The following AFF2 variants were observed in gnomAD, a reference collection of about 807,000 sequenced individuals.
The protein encoded by AFF2 is AF4/FMR2 family member 2.
In AFF2, 14 loss-of-function variants were observed where a neutral mutation model predicts 76.9. That is an observed-to-expected ratio of 0.18 (90% CI 0.12 to 0.28). AFF2 has a LOEUF of 0.28. Ranked by LOEUF, AFF2 falls within the 10% of genes least tolerant of loss-of-function variation. AFF2 has a pLI of 1.00. For synonymous variants in AFF2, 398 were observed against 366.7 expected, an observed-to-expected ratio of 1.09 and a Z score of -0.98; for missense variants, 868 against 1,001.1, an observed-to-expected ratio of 0.87 and a Z score of 1.79.
intron 3 of AFF2, among the ~76,000 whole-genome samples, chrX:148,763,640 T>A (rs782802685): frequency 9.0e-6 from 1 of 111,617 alleles, no homozygotes; most frequent in African/African-American, 3.2e-5. Flanking sequence ...GAAAGGTAGG[T>A]GGAACATAAA....
At chrX:148,530,160 A>T (rs920044078) in intron 1 of AFF2, among the ~76,000 whole-genome samples, 2 of 111,658 alleles carry the variant, frequency 1.8e-5, no homozygotes, top group Admixed American at 1.9e-4. Context: ...TGTGTCAATT[A>T]TCCAGGATGG....
Position 148,714,606 on chromosome X carries a change from T to C in AFF2, c.1041+51838T>C, listed in dbSNP as rs149042021. 5.7e-3 allele frequency among the ~76,000 whole-genome samples: 636 copies of C among 111,418 alleles called. 4 individuals are homozygous for C. The highest frequency in any genetic ancestry group is 0.02 in the African/African-American group (601 of 30,634). On this transcript the variant is annotated intron_variant, in intron 3 of 20. Coordinates refer to ENST00000370460, the MANE Select transcript of AFF2 (RefSeq NM_002025.4). ...GCAGTACTGTGTTTTGTGGAAGTCG[T>C]GCAGTGTCTTCAATTGAACAAGTAT...
intron 3 of AFF2, among the ~76,000 whole-genome samples, chrX:148,762,844 TC>T (rs1162054030): frequency 9.0e-6 from 1 of 111,608 alleles, no homozygotes; most frequent in Non-Finnish European, 1.9e-5. Flanking sequence ...CATCCATATT[TC>T]TTACAGTTTT....
At chrX:148,529,633 G>T (rs919972111) in intron 1 of AFF2, among the ~76,000 whole-genome samples, 2 of 111,568 alleles carry the variant, frequency 1.8e-5, no homozygotes, top group Non-Finnish European at 3.8e-5. Context: ...TCTGATGTGC[G>T]CAGATTCTCC....
intron 3 of AFF2, among the ~76,000 whole-genome samples, chrX:148,741,296 T>A (rs192396155): frequency 6.1e-4 from 67 of 110,454 alleles, no homozygotes; most frequent in African/African-American, 2.1e-3. Flanking sequence ...TCAGACTCCT[T>A]GGGTGGGTCT....
chrX:148,844,465 T>A (rs188114454), intron 7 of AFF2, among the ~76,000 whole-genome samples: 1 of 112,329 alleles, frequency 8.9e-6, no homozygotes. Flanking sequence ...CTATTGTAGA[T>A]TTTCTAATAT....
chrX:148,987,007 G>A (rs2072479767), intron 19 of AFF2, among the ~76,000 whole-genome samples: 1 of 111,291 alleles, frequency 9.0e-6, no homozygotes, highest in Admixed American at 9.5e-5. Flanking sequence ...GGTGTTTAAT[G>A]TTAGAAAAGA....
chrX:148,726,769 A>C (rs147206300), intron 3 of AFF2, among the ~76,000 whole-genome samples: 5,216 of 111,672 alleles, frequency 0.047, 150 homozygotes, highest in African/African-American at 0.092. Context: ...GTATTGATTT[A>C]GGTGTAGCAC....
Position 148,850,563 on chromosome X carries a change from C to T in AFF2, c.1262+7130C>T, listed in dbSNP as rs540951859. 6.8e-4 allele frequency among the ~76,000 whole-genome samples: 76 copies of T among 112,246 alleles called. No homozygotes were observed. In the South Asian group the frequency reaches 0.021, roughly 31 times the overall value. ...ACATGCATACATATGCTCTGTATCC[C>T]AGAACAGTAGGTCACTCTAATGTCT... On this transcript the variant is annotated intron_variant, in intron 7 of 20. Coordinates refer to ENST00000370460, the MANE Select transcript of AFF2 (RefSeq NM_002025.4).
intron 16 of AFF2, among the ~76,000 whole-genome samples, chrX:148,977,200 GTC>G (rs1334833298): frequency 1.8e-5 from 2 of 111,882 alleles, no homozygotes; most frequent in East Asian, 5.6e-4. Flanking sequence ...ATTTTCAAGA[GTC>G]TAAATGCTCT....
chrX:148,816,525 T>C (rs953952819), intron 4 of AFF2, among the ~76,000 whole-genome samples: 5 of 111,263 alleles, frequency 4.5e-5, no homozygotes, highest in African/African-American at 1.6e-4. Flanking sequence ...GAAACACTGA[T>C]TTTCAGAATA....
intron 8 of AFF2, among the ~76,000 whole-genome samples, chrX:148,897,299 T>G (rs1225890827): frequency 1.2e-5 from 1 of 80,775 alleles, no homozygotes; most frequent in African/African-American, 4.4e-5. Flanking sequence ...TATATCCATA[T>G]GTGTGTATAT....
chrX:148,887,918 A>G (rs2071178059), intron 8 of AFF2, among the ~76,000 whole-genome samples: 1 of 112,563 alleles, frequency 8.9e-6, no homozygotes, highest in Non-Finnish European at 1.9e-5. Flanking sequence ...CCAAAAGAGA[A>G]TGCTTGTGCA....
chrX:148,884,333 G>A (rs1302819327), intron 7 of AFF2, among the ~76,000 whole-genome samples: 1 of 112,215 alleles, frequency 8.9e-6, no homozygotes, highest in African/African-American at 3.2e-5. Context: ...ACACATTCTA[G>A]TGTTATGTGA....
intron 1 of AFF2, among the ~76,000 whole-genome samples, chrX:148,635,882 A>T (rs1162470083): frequency 9.0e-6 from 1 of 110,511 alleles, no homozygotes; most frequent in Non-Finnish European, 1.9e-5. Flanking sequence ...CACCACTCAT[A>T]GGATTCTGTA....
chrX:148,759,129 G>A (rs782819472), intron 3 of AFF2, among the ~76,000 whole-genome samples: 5 of 111,808 alleles, frequency 4.5e-5, no homozygotes, highest in African/African-American at 1.3e-4. Context: ...TGCTAAACTC[G>A]GCAGTCCTGG....
At chrX:148,886,046 C>T (rs113292919) in intron 8 of AFF2, 61 bp downstream of exon 8, 23 of 789,042 alleles carry the variant, frequency 2.9e-5, no homozygotes, top group African/African-American at 1.2e-4. Flanking sequence ...ACTGGAATGG[C>T]TTTGACATGC....
At chrX:148,951,738 G>C (rs1264728296) in intron 9 of AFF2, among the ~76,000 whole-genome samples, 2 of 109,473 alleles carry the variant, frequency 1.8e-5, no homozygotes, top group African/African-American at 6.7e-5. Context: ...GCATAAATAG[G>C]GTATCATTAC....
At chrX:148,899,680 G>A (rs2071334052) in intron 8 of AFF2, among the ~76,000 whole-genome samples, 1 of 111,434 alleles carries the variant, frequency 9.0e-6, no homozygotes, top group South Asian at 3.7e-4. Context: ...CATATGAAAT[G>A]GAAATGTAAA....
Sources: gnomAD v4.1 joint callset for allele counts (sites outside exome capture counted in the v4.1 genomes callset) on GRCh38, gnomAD v4.1.1 for gene constraint, MANE v1.5 for transcripts, NCBI Gene and HGNC (gene_info 2026-07-23, HGNC 2026-07-21) for gene names.